The following ANKRD31 variants were observed in gnomAD, a reference collection of about 807,000 sequenced individuals.
ANKRD31 encodes the protein ankyrin repeat domain 31, also known as ankyrin repeat domain-containing protein 31.
In ANKRD31, 147 loss-of-function variants were observed where a neutral mutation model predicts 186.0. The ratio of observed to expected loss-of-function variants is 0.79; its 90% CI spans 0.69 to 0.91. ANKRD31 has a LOEUF of 0.91. Among genes scored for constraint, ANKRD31 ranks in the 40% least tolerant of loss-of-function variants. The pLI, the probability that ANKRD31 is intolerant of heterozygous loss-of-function variation, is 0.00. For missense variants in ANKRD31, 1,986 were observed against 2,148.8 expected (o/e 0.92, Z 1.50); for synonymous variants, 673 against 736.4 (o/e 0.91, Z 1.39).
intron 7 of ANKRD31, 129 bp from the exon 8 acceptor site, chr5:75,193,720 T>A: frequency 1.3e-6 from 1 of 771,938 alleles, no homozygotes; most frequent in Non-Finnish European, 2.0e-6. Context: ...GTACAAGAAT[T>A]CATAGACATA....
intron 20 of ANKRD31, among the ~76,000 whole-genome samples, chr5:75,108,839 T>C (rs1747543272): frequency 6.6e-6 from 1 of 152,192 alleles, no homozygotes; most frequent in African/African-American, 2.4e-5. Flanking sequence ...CACTGTTTAT[T>C]AAAAGACATT....
chr5:75,225,972 G>A lies in ANKRD31; in HGVS notation c.179-3614C>T, dbSNP rs147233933. 7.2e-4 allele frequency among the ~76,000 whole-genome samples: 109 copies of A among 152,276 alleles called. 1 individual carries two copies. Among genetic ancestry groups the A allele is most frequent in the East Asian group, 6.2e-3 (32 of 5,168 alleles). On this transcript the variant is annotated intron_variant, in intron 2 of 25. Transcript: ENST00000506364. ...CCAGACCTGATAGCATTCACCACAA[G>A]CTGACTGAAGAGCCCTAGGGCATTA...
chr5:75,175,895 T>A lies in ANKRD31; in HGVS notation c.1565-6774A>T, dbSNP rs139959487. Among the ~76,000 whole-genome samples the A allele has an allele frequency of 2.5e-3, 383 of 152,104 alleles. 2 individuals carry two copies. The highest frequency in any genetic ancestry group is 4.1e-3 in the Admixed American group (62 of 15,278). On this transcript the variant is annotated intron_variant, in intron 10 of 25. Transcript: ENST00000506364. Reference sequence around the variant, plus strand: ...GTGCCGGATAGTGGGTGCAGGACAGTGGGTGTAGTGCACCATGTGTGAGCC... The same window carrying A: ...GTGCCGGATAGTGGGTGCAGGACAGAGGGTGTAGTGCACCATGTGTGAGCC...
At position 75,104,273 on chromosome 5, in the gene ANKRD31, T is replaced by C. The variant is rs908065659; in HGVS notation, c.5286A>G (p.Leu1762=). The change falls in exon 22 of 26, where the codon CTA becomes CTG. Residue 1762 remains leucine (L), a synonymous_variant. Transcript: ENST00000506364. Reference sequence around the variant, plus strand: ...TGTTATTTCCTGGGTTAATTCTTCCTAGTAATATCAAATCTTTTATCTGAA... The same window carrying C: ...TGTTATTTCCTGGGTTAATTCTTCCCAGTAATATCAAATCTTTTATCTGAA... ...KCIQIKDLIL[L]GRINPGNNIL... 5.9e-6 allele frequency: 9 copies of C among 1,530,816 alleles called. No homozygotes were observed. The highest frequency in any genetic ancestry group is 4.0e-5 in the Admixed American group (2 of 50,218). 94.8% of individuals were successfully genotyped at this position (1,530,816 alleles called of 1,614,324 possible).
intron 17 of ANKRD31, among the ~76,000 whole-genome samples, chr5:75,120,761 G>A (rs969660159): frequency 3.3e-5 from 5 of 152,082 alleles, no homozygotes; most frequent in African/African-American, 9.7e-5. Context: ...AAAACCTCAC[G>A]TATCAATATT....
chr5:75,229,142 T>C lies in ANKRD31; in HGVS notation c.178+1420A>G, dbSNP rs2150318690. Among the ~76,000 whole-genome samples the C allele has an allele frequency of 1.3e-5, 2 of 152,338 alleles. 1 individual carries two copies. The highest frequency in any genetic ancestry group is 2.9e-5 in the Non-Finnish European group (2 of 68,030). On this transcript the variant is annotated intron_variant, in intron 2 of 25. Transcript: ENST00000506364. ...AAACAACTACTGCAGAATTGGTTCT[T>C]TCTGAACAGTGACTATCAGTGATAG...
At chr5:75,159,555 G>T (rs2150169866) in intron 11 of ANKRD31, among the ~76,000 whole-genome samples, 1 of 151,800 alleles carries the variant, frequency 6.6e-6, no homozygotes, top group East Asian at 1.9e-4. Flanking sequence ...AAACAATGAG[G>T]TCCAGAGACA....
chr5:75,091,945 G>T (rs1177454248), intron 22 of ANKRD31, among the ~76,000 whole-genome samples: 1 of 151,992 alleles, frequency 6.6e-6, no homozygotes, highest in African/African-American at 2.4e-5. Context: ...GTAAGGTGGT[G>T]GTTTCACATT....
intron 2 of ANKRD31, among the ~76,000 whole-genome samples, chr5:75,227,657 T>C (rs2150316713): frequency 6.6e-6 from 1 of 152,330 alleles, no homozygotes; most frequent in East Asian, 1.9e-4. Flanking sequence ...AATTTCATTC[T>C]ACCATATCCT....
chr5:75,223,854 A>G (rs1757450690), intron 2 of ANKRD31, among the ~76,000 whole-genome samples: 1 of 151,916 alleles, frequency 6.6e-6, no homozygotes, highest in South Asian at 2.1e-4. Context: ...ATAAAAAGAG[A>G]GAGAAAAACC....
At chr5:75,130,536 T>C (rs1004779811) in intron 17 of ANKRD31, among the ~76,000 whole-genome samples, 10 of 152,286 alleles carry the variant, frequency 6.6e-5, no homozygotes, top group African/African-American at 7.2e-5. Context: ...AGAGTGCTGA[T>C]TGGTGCATTT....
At chr5:75,223,956 C>T (rs58489760) in intron 2 of ANKRD31, among the ~76,000 whole-genome samples, 1 of 151,782 alleles carries the variant, frequency 6.6e-6, no homozygotes. Flanking sequence ...GGGTCCTCAC[C>T]TAGAACCAAT....
chr5:75,197,421 G>A (rs1352047019), intron 6 of ANKRD31, among the ~76,000 whole-genome samples: 2 of 152,144 alleles, frequency 1.3e-5, no homozygotes, highest in African/African-American at 4.8e-5. Flanking sequence ...AGGATGTGCT[G>A]TAATTTGTAA....
intron 11 of ANKRD31, among the ~76,000 whole-genome samples, chr5:75,160,210 GA>G (rs1752479888): frequency 6.6e-6 from 1 of 151,822 alleles, no homozygotes; most frequent in African/African-American, 2.4e-5. Flanking sequence ...CAAAAATAGG[GA>G]AAAATAATTT....
intron 16 of ANKRD31, among the ~76,000 whole-genome samples, chr5:75,138,295 G>A (rs553141993): frequency 6.6e-6 from 1 of 152,260 alleles, no homozygotes; most frequent in African/African-American, 2.4e-5. Context: ...TTTCAACTCA[G>A]ATATTAAAAC....
chr5:75,226,078 T>C (rs965246258), intron 2 of ANKRD31, among the ~76,000 whole-genome samples: 3 of 152,132 alleles, frequency 2.0e-5, no homozygotes, highest in Non-Finnish European at 2.9e-5. Flanking sequence ...CTCCTACCTA[T>C]GGAAACGGGA....
At chr5:75,125,355 G>A (rs1403936258) in intron 17 of ANKRD31, among the ~76,000 whole-genome samples, 1 of 152,062 alleles carries the variant, frequency 6.6e-6, no homozygotes, top group African/African-American at 2.4e-5. Context: ...TTTAAAAGAT[G>A]GGGTCAGAAA....
Position 75,146,238 on chromosome 5 carries a change from G to A in ANKRD31, c.3173C>T (p.Ala1058Val). The A allele has an allele frequency of 6.5e-7, 1 of 1,536,280 alleles. No homozygotes were observed. The highest frequency in any genetic ancestry group is 8.7e-7 in the Non-Finnish European group (1 of 1,146,386). Residue 1058 changes from alanine to valine, a missense_variant, in exon 14 of 26, where the codon GCA (alanine) becomes GTA (valine). By Grantham distance (64) the Ala-to-Val change is moderately conservative. Transcript: ENST00000506364. Reference sequence around the variant, plus strand: ...ATTCCTCTCAGTGTCACAATTCTTTGCCATCTTTTCCACAATATGTGTATC... The same window carrying A: ...ATTCCTCTCAGTGTCACAATTCTTTACCATCTTTTCCACAATATGTGTATC... ...QTDTHIVEKM[A>V]KNCDTERNYI... is the part of the protein sequence containing the mutation.
At chr5:75,092,209 G>A (rs1004127040) in intron 22 of ANKRD31, among the ~76,000 whole-genome samples, 1 of 152,200 alleles carries the variant, frequency 6.6e-6, no homozygotes, top group African/African-American at 2.4e-5. Flanking sequence ...AGAAATAGTA[G>A]AAGTTGTGGT....
Sources: allele counts gnomAD v4.1 joint callset (sites outside exome capture counted in the v4.1 genomes callset), GRCh38; gene constraint gnomAD v4.1.1; transcripts MANE v1.5; gene names NCBI Gene and HGNC (gene_info 2026-07-23, HGNC 2026-07-21).